The following HEATR3 variants were observed in gnomAD, a reference collection of about 807,000 sequenced individuals.
The protein encoded by HEATR3 is HEAT repeat containing 3.
HEATR3 carries 56 observed loss-of-function variants against 72.8 expected under a neutral mutation model. The ratio of observed to expected loss-of-function variants is 0.77; its 90% CI spans 0.62 to 0.96. The LOEUF (loss-of-function observed/expected upper bound fraction) is 0.96, where lower values mean the gene tolerates loss of function less well. HEATR3 is among the 40% of genes least tolerant of loss of function. The probability of loss-of-function intolerance (pLI) is 0.00; values close to 1 mark genes in which losing one functional copy is unlikely to be tolerated. For missense variants in HEATR3, 747 were observed against 831.4 expected (o/e 0.90, Z 1.25); for synonymous variants, 331 against 318.1 (o/e 1.04, Z -0.43).
Position 50,066,398 on chromosome 16 carries a change from G to C in HEATR3, c.170G>C (p.Cys57Ser). ...CACCCGAGCGCCGAGGTCCGCGAGTGCGCCTGCGCAGGGCTGGCCCGGCTG... is the reference window on the plus strand; with the variant it reads ...CACCCGAGCGCCGAGGTCCGCGAGTCCGCCTGCGCAGGGCTGGCCCGGCTG... ...LQHPSAEVRE[C>S]ACAGLARLVQ... The change falls in exon 2 of 15, where the codon TGC becomes TCC. Residue 57 changes from cysteine to serine, a missense_variant. Coordinates refer to ENST00000299192, the MANE Select transcript of HEATR3 (RefSeq NM_182922.4). The C allele has an allele frequency of 1.3e-6, 2 of 1,549,066 alleles. No homozygotes were observed. The highest frequency in any genetic ancestry group is 1.7e-6 in the Non-Finnish European group (2 of 1,158,938).
chr16:50,092,429 CTTTTTTCT>C (rs1200681465), intron 11 of HEATR3, among the ~76,000 whole-genome samples: 1 of 29,748 alleles, frequency 3.4e-5, no homozygotes, highest in Non-Finnish European at 8.3e-5. Context: ...TTTTTTTTTT[CTTTTTTCT>C]TTTTTTTTTT....
At position 50,066,229 on chromosome 16, in the gene HEATR3, G is replaced by A; in HGVS notation, c.98G>A (p.Gly33Asp). 1.9e-6 allele frequency: 3 copies of A among 1,572,862 alleles called. No individual in the cohort carries two copies. In the East Asian group the frequency reaches 7.0e-5, roughly 37 times the overall value. The stretch of plus-strand genomic sequence containing the variant: ...GCTGCGGCGGCGAATGGGACCGGAG[G>A]CGAGGAGGACGACGGGCCGGCGGCG... Reference protein sequence around the residue: ...EAAAAANGTGGEEDDGPAAEL... With the variant: ...EAAAAANGTGDEEDDGPAAEL... The change falls in exon 1 of 15, where the codon GGC (glycine) becomes GAC (aspartate). Residue 33 changes from glycine to aspartate, a missense_variant. Gly to Asp is a moderately conservative substitution (Grantham distance 94). Transcript: ENST00000299192.
At chr16:50,102,518 C>T in intron 14 of HEATR3, 83 bp downstream of exon 14, 1 of 1,245,528 alleles carries the variant, frequency 8.0e-7, no homozygotes, top group Non-Finnish European at 1.1e-6. Flanking sequence ...CTGTGCAACT[C>T]AGAAGCATGT....
intron 11 of HEATR3, among the ~76,000 whole-genome samples, chr16:50,092,825 A>T (rs572683328): frequency 6.6e-5 from 10 of 152,322 alleles, no homozygotes; most frequent in African/African-American, 2.4e-4. Context: ...CGTGAACAAG[A>T]TAGGCCAGGT....
Position 50,086,299 on chromosome 16 carries a change from AGCCCTTCAGAC to A in HEATR3, c.1461_1471del (p.Leu488CysfsTer16). On this transcript the variant is annotated frameshift_variant, in exon 11 of 15. Transcript: ENST00000299192. LOFTEE classifies it high-confidence loss of function. ...ATGTGGAGCACCTGGGAGGAGCCGC[AGCCCTTCAGAC>A]GCTTGCACAGCATCTGTCACAGCTG... 2 of 1,592,054 alleles carry A rather than the reference AGCCCTTCAGAC, an allele frequency of 1.3e-6. No individual in the cohort carries two copies. Among genetic ancestry groups the A allele is most frequent in the Non-Finnish European group, 1.7e-6 (2 of 1,168,608 alleles).
intron 14 of HEATR3, among the ~76,000 whole-genome samples, chr16:50,104,188 A>G (rs902169991): frequency 1.3e-5 from 2 of 152,026 alleles, no homozygotes; most frequent in South Asian, 4.1e-4. Context: ...CACCTCTACT[A>G]AAAATTTAAA....
intron 11 of HEATR3, among the ~76,000 whole-genome samples, chr16:50,088,683 C>G (rs1230384411): frequency 6.6e-6 from 1 of 152,216 alleles, no homozygotes; most frequent in Non-Finnish European, 1.5e-5. Flanking sequence ...CCCATCAGCC[C>G]AGCAAGATGT....
At chr16:50,067,836 T>TAATG (rs1021268028) in intron 2 of HEATR3, among the ~76,000 whole-genome samples, 5 of 152,094 alleles carry the variant, frequency 3.3e-5, no homozygotes, top group African/African-American at 1.2e-4. Context: ...GGGCATGGGG[T>TAATG]AATGAGCAAG....
chr16:50,068,769 T>A lies in HEATR3; in HGVS notation c.312-11T>A. 6.2e-7 allele frequency: 1 copy of A among 1,606,660 alleles called. No individual in the cohort carries two copies. The highest frequency in any genetic ancestry group is 8.5e-7 in the Non-Finnish European group (1 of 1,173,764). On this transcript the variant is annotated splice_polypyrimidine_tract_variant and intron_variant, in intron 2 of 14. Coordinates refer to ENST00000299192, the MANE Select transcript of HEATR3 (RefSeq NM_182922.4). ...TGTGAAAGTAAAACATGTTTTAAAC[T>A]TCTTGTGTAGAAATCTCAGTGCTTG...
intron 12 of HEATR3, among the ~76,000 whole-genome samples, chr16:50,097,855 C>T (rs1230030102): frequency 6.7e-6 from 1 of 148,266 alleles, no homozygotes; most frequent in African/African-American, 2.5e-5. Context: ...GTGGAGGTTG[C>T]AGTGAGCCAA....
intron 11 of HEATR3, among the ~76,000 whole-genome samples, chr16:50,089,722 A>G (rs2037066492): frequency 6.6e-6 from 1 of 151,904 alleles, no homozygotes; most frequent in Non-Finnish European, 1.5e-5. Context: ...AGGCTGGAGT[A>G]CAGTAGCACG....
chr16:50,098,831 A>T (rs1567447261), intron 12 of HEATR3, among the ~76,000 whole-genome samples: 1 of 152,248 alleles, frequency 6.6e-6, no homozygotes, highest in East Asian at 1.9e-4. Context: ...TGCTGTAGTA[A>T]CATTAAAATT....
chr16:50,100,180 G>C, intron 12 of HEATR3, 50 bp from the exon 13 acceptor site: 2 of 1,565,944 alleles, frequency 1.3e-6, no homozygotes, highest in Non-Finnish European at 1.7e-6. Context: ...CATGCTGATA[G>C]AATTAATTGA....
chr16:50,066,017 G>T lies in HEATR3; in HGVS notation c.-115G>T, dbSNP rs1051470760. 3 of 974,856 alleles carry T rather than the reference G, an allele frequency of 3.1e-6. No individual in the cohort carries two copies. The highest frequency in any genetic ancestry group is 4.1e-6 in the Non-Finnish European group (3 of 724,774). 60.4% of individuals were successfully genotyped at this position (974,856 alleles called of 1,614,324 possible). ...GCACGGCTTGCCCATGTGTGCTGCA[G>T]CCGTCAGCCGGCCCAGCTGAGCAGC... is the stretch of plus-strand genomic sequence containing the variant. On this transcript the variant is annotated 5_prime_UTR_variant, in exon 1 of 15. Coordinates refer to ENST00000299192, the MANE Select transcript of HEATR3 (RefSeq NM_182922.4).
rs2037448800 is a variant in HEATR3, at chr16:50,104,933, T to G, written c.1921-6T>G. On this transcript the variant is annotated splice_polypyrimidine_tract_variant and splice_region_variant and intron_variant, in intron 14 of 14. Transcript: ENST00000299192. ...TCATATATGATTTTTTGTTTTTTGT[T>G]TGCAGATACGTAAAGAAGGGAGAGG... 1 of 1,572,592 alleles carries G rather than the reference T, an allele frequency of 6.4e-7. No individual in the cohort carries two copies. The highest frequency in any genetic ancestry group is 1.4e-5 in the African/African-American group (1 of 72,424).
intron 6 of HEATR3, among the ~76,000 whole-genome samples, chr16:50,076,326 T>TA (rs1213070790): frequency 5.9e-5 from 9 of 151,998 alleles, no homozygotes; most frequent in Non-Finnish European, 1.2e-4. Context: ...TAGCTGGAAT[T>TA]ACAAGCGTGC....
chr16:50,084,355 T>A (rs1361334159), intron 9 of HEATR3, 64 bp downstream of exon 9: 1 of 1,548,346 alleles, frequency 6.5e-7, no homozygotes, highest in Non-Finnish European at 8.7e-7. Context: ...GGTATTCATT[T>A]TGTGTACAAA....
At position 50,105,524 on chromosome 16, in the gene HEATR3, G is replaced by T. The variant is rs1035246835; in HGVS notation, c.*463G>T. The stretch of plus-strand genomic sequence containing the variant: ...GAAACTCTGTTGCTGGTTTTTTTGT[G>T]TGTGTGTTTTGTTTGTTTGTTTTGT... On this transcript the variant is annotated 3_prime_UTR_variant, in exon 15 of 15. Coordinates refer to ENST00000299192, the MANE Select transcript of HEATR3 (RefSeq NM_182922.4). 5.8e-5 allele frequency: 9 copies of T among 153,980 alleles called. No individual in the cohort carries two copies. 9.5% of individuals were successfully genotyped at this position (153,980 alleles called of 1,614,324 possible).
At chr16:50,074,737 C>CT (rs1270600255) in intron 5 of HEATR3, 1 of 152,132 alleles carries the variant, frequency 6.6e-6, no homozygotes, top group African/African-American at 2.4e-5. Flanking sequence ...AATCCCAGCA[C>CT]TTTGGGAGGC....
Sources: allele counts gnomAD v4.1 joint callset (sites outside exome capture counted in the v4.1 genomes callset), GRCh38; gene constraint gnomAD v4.1.1; transcripts MANE v1.5; gene names NCBI Gene and HGNC (gene_info 2026-07-23, HGNC 2026-07-21).